The following MTAP variants were observed in gnomAD, a reference collection of about 807,000 sequenced individuals.
MTAP encodes the protein methylthioadenosine phosphorylase, also known as S-methyl-5'-thioadenosine phosphorylase.
Under a neutral mutation model 33.6 loss-of-function variants are expected in MTAP, and 33 were observed. That is an observed-to-expected ratio of 0.98 (90% confidence interval 0.74 to 1.31). MTAP has a LOEUF of 1.31. MTAP is among the 40% of genes most tolerant of loss of function. The pLI, the probability that MTAP is intolerant of heterozygous loss-of-function variation, is 0.00. For missense variants in MTAP, 367 were observed against 360.0 expected (o/e 1.02, Z -0.16); for synonymous variants, 148 against 125.7 (o/e 1.18, Z -1.19).
At chr9:21,908,108 C>T (rs1158248486) in intron 1 of MTAP, among the ~76,000 whole-genome samples, 1 of 152,170 alleles carries the variant, frequency 6.6e-6, no homozygotes. Context: ...GATAGTCACA[C>T]TCACTTTCCT....
intron 1 of MTAP, among the ~76,000 whole-genome samples, chr9:21,903,989 G>T (rs1417675638): frequency 6.6e-6 from 1 of 152,192 alleles, no homozygotes; most frequent in East Asian, 1.9e-4. Context: ...TGGACTTGGA[G>T]AATTAGTGCA....
chr9:21,817,834 A>C (rs537480142), intron 3 of MTAP, among the ~76,000 whole-genome samples: 2 of 152,090 alleles, frequency 1.3e-5, no homozygotes, highest in East Asian at 3.9e-4. Context: ...GCCACTCTAC[A>C]TATTTGAAAC....
Position 21,866,121 on chromosome 9 carries a change from A to C in MTAP, c.*4107A>C, listed in dbSNP as rs572025534. ...TATATTTTGATATCTCGTGGTTTTG[A>C]TTTGCATTTTTCTGATTAAAGATGT... On this transcript the variant is annotated 3_prime_UTR_variant, in exon 8 of 8. Transcript: ENST00000644715. 2 of 151,988 alleles carry C rather than the reference A, an allele frequency of 1.3e-5. No homozygotes were observed. The highest frequency in any genetic ancestry group is 2.1e-4 in the South Asian group (1 of 4,804). The allele number at this position is 151,988 out of a possible 1,614,324, so 9.4% of individuals were successfully genotyped here. A position where few individuals can be genotyped will look rare whatever the true frequency, so the allele number is the denominator to read the frequency against.
intron 1 of MTAP, among the ~76,000 whole-genome samples, chr9:21,916,715 G>A (rs952326614): frequency 2.0e-5 from 3 of 152,266 alleles, no homozygotes; most frequent in Middle Eastern, 3.4e-3. Flanking sequence ...AATCCCTGAT[G>A]TCACTGACAC....
chr9:21,857,274 G>A (rs1159619614), intron 6 of MTAP, among the ~76,000 whole-genome samples: 1 of 152,134 alleles, frequency 6.6e-6, no homozygotes, highest in African/African-American at 2.4e-5. Flanking sequence ...AAATTTCTTG[G>A]ATGCTTCATG....
chr9:21,884,903 A>G (rs937411471), intron 1 of MTAP, among the ~76,000 whole-genome samples: 5 of 152,178 alleles, frequency 3.3e-5, no homozygotes, highest in African/African-American at 1.2e-4. Flanking sequence ...AAGGTTGCAT[A>G]CACAATTAGT....
chr9:21,802,842 C>G, intron 1 of MTAP, 61 bp downstream of exon 1: 1 of 1,600,542 alleles, frequency 6.2e-7, no homozygotes, highest in African/African-American at 1.4e-5. Context: ...CGCCCCCGCG[C>G]CGGGGGACCG....
chr9:21,834,535 G>A (rs528343668), intron 4 of MTAP, among the ~76,000 whole-genome samples: 27 of 152,308 alleles, frequency 1.8e-4, no homozygotes, highest in African/African-American at 6.5e-4. Context: ...TGGAGGCTTA[G>A]GGTAGAATCC....
chr9:21,878,588 C>G (rs534411148), intron 1 of MTAP, among the ~76,000 whole-genome samples: 1 of 152,262 alleles, frequency 6.6e-6, no homozygotes, highest in South Asian at 2.1e-4. Context: ...TCTCCAACTC[C>G]TGGGCTCAAG....
intron 5 of MTAP, among the ~76,000 whole-genome samples, chr9:21,840,221 C>CAA (rs746964029): frequency 0.011 from 1,323 of 121,278 alleles, 26 homozygotes; most frequent in East Asian, 0.062. Context: ...GACTCCATGT[C>CAA]AAAAAAAAAA....
At chr9:21,903,772 G>T (rs1348280611) in intron 1 of MTAP, among the ~76,000 whole-genome samples, 1 of 152,160 alleles carries the variant, frequency 6.6e-6, no homozygotes, top group African/African-American at 2.4e-5. Flanking sequence ...AGATGGGCAG[G>T]TTGCGGAGCT....
At chr9:21,827,492 G>A (rs1346311356) in intron 4 of MTAP, among the ~76,000 whole-genome samples, 1 of 152,206 alleles carries the variant, frequency 6.6e-6, no homozygotes, top group Non-Finnish European at 1.5e-5. Flanking sequence ...GTCAGAAATG[G>A]TTGAATATCA....
At chr9:21,847,796 G>A (rs182487660) in intron 5 of MTAP, among the ~76,000 whole-genome samples, 3 of 152,346 alleles carry the variant, frequency 2.0e-5, no homozygotes, top group Non-Finnish European at 4.4e-5. Flanking sequence ...ATCTCCTGTA[G>A]AGAAAGAGCT....
chr9:21,895,894 C>T (rs1818284151), intron 1 of MTAP, among the ~76,000 whole-genome samples: 1 of 152,192 alleles, frequency 6.6e-6, no homozygotes, highest in Non-Finnish European at 1.5e-5. Flanking sequence ...TTGAACTCAG[C>T]TCTGCACCAA....
At chr9:21,816,634 C>T in intron 2 of MTAP, 80 bp from the exon 3 acceptor site, 1 of 1,216,928 alleles carries the variant, frequency 8.2e-7, no homozygotes, top group South Asian at 1.3e-5. Context: ...TTCCATGAGT[C>T]CTGTTGTGGT....
intron 4 of MTAP, among the ~76,000 whole-genome samples, chr9:21,830,406 G>A (rs1191540839): frequency 6.6e-6 from 1 of 152,150 alleles, no homozygotes; most frequent in Non-Finnish European, 1.5e-5. Context: ...CTGCTGGATT[G>A]TGTTTGATTA....
chr9:21,934,093 C>G (rs891575980), downstream of MTAP: 1 of 152,058 alleles, frequency 6.6e-6, no homozygotes, highest in African/African-American at 2.4e-5. The surrounding 1 kb of genome is among the most constrained non-coding windows in gnomAD (Gnocchi z 5.0). Flanking sequence ...ATGGTCAGAA[C>G]AAATTTATAG....
At chr9:21,915,101 T>G (rs544588912) in intron 1 of MTAP, among the ~76,000 whole-genome samples, 1,530 of 128,816 alleles carry the variant, frequency 0.012, 150 homozygotes, top group African/African-American at 0.05. Flanking sequence ...TTCTTTTCTT[T>G]CGGCAGAGTC....
intron 1 of MTAP, among the ~76,000 whole-genome samples, chr9:21,918,073 C>CGATGGGGGAGGTTTGGAG (rs1818720264): frequency 6.0e-5 from 7 of 115,826 alleles, no homozygotes; most frequent in Admixed American, 1.8e-4. Context: ...ATTAATGGGC[C>CGATGGGGGAGGTTTGGAG]GGGCGCGGTG....
Sources: allele counts gnomAD v4.1 joint callset (sites outside exome capture counted in the v4.1 genomes callset), GRCh38; gene constraint gnomAD v4.1.1; non-coding constraint Gnocchi (gnomAD v3.1); transcripts MANE v1.5; gene names NCBI Gene and HGNC (gene_info 2026-07-23, HGNC 2026-07-21).